PALLD: variants seen among roughly 807,000 people sequenced by gnomAD.
PALLD encodes the protein palladin.
In PALLD, 61 loss-of-function variants were observed where a neutral mutation model predicts 123.5. That is an observed-to-expected ratio of 0.49 (90% CI 0.40 to 0.61). The LOEUF (loss-of-function observed/expected upper bound fraction) is 0.61. Among genes scored for constraint, PALLD ranks in the 20% least tolerant of loss-of-function variants. The probability of loss-of-function intolerance (pLI) is 0.00; values close to 1 mark genes in which losing one functional copy is unlikely to be tolerated. For missense variants in PALLD, 1,273 were observed against 1,377.0 expected, an observed-to-expected ratio of 0.92 and a Z score of 1.20; for synonymous variants, 465 against 496.4, an observed-to-expected ratio of 0.94 and a Z score of 0.84.
Position 168,709,155 on chromosome 4 carries a change from A to G in PALLD, c.1621+8A>G. 1 of 1,613,592 alleles carries G rather than the reference A, an allele frequency of 6.2e-7. No homozygotes were observed. The highest frequency in any genetic ancestry group is 2.2e-5 in the East Asian group (1 of 44,834). ...AGCTGGTTGTCACCTCAGGTATGTG[A>G]GGAGTAAAAAAAATGACTGGGTTCT... On this transcript the variant is annotated splice_region_variant and intron_variant, in intron 9 of 21. Coordinates refer to ENST00000505667, the MANE Select transcript of PALLD (RefSeq NM_001166108.2).
intron 10 of PALLD, among the ~76,000 whole-genome samples, chr4:168,780,671 A>G (rs1656654171): frequency 6.6e-6 from 1 of 152,018 alleles, no homozygotes; most frequent in East Asian, 1.9e-4. Flanking sequence ...CCGCATGTGT[A>G]GTTTTGGTTT....
At chr4:168,805,204 G>A (rs572351865) in intron 10 of PALLD, among the ~76,000 whole-genome samples, 154 of 152,136 alleles carry the variant, frequency 1.0e-3, no homozygotes, top group Non-Finnish European at 2.0e-3. Context: ...AAAAATTTGA[G>A]ATGGGAGGCT....
At chr4:168,764,326 T>C (rs1004849780) in intron 10 of PALLD, among the ~76,000 whole-genome samples, 2 of 152,180 alleles carry the variant, frequency 1.3e-5, no homozygotes, top group Non-Finnish European at 2.9e-5. Context: ...ATATTACATA[T>C]GATATTTTGA....
At chr4:168,612,006 A>G (rs1368228027) in intron 2 of PALLD, among the ~76,000 whole-genome samples, 2 of 152,128 alleles carry the variant, frequency 1.3e-5, no homozygotes, top group Non-Finnish European at 2.9e-5. Flanking sequence ...CAAAAAGTAC[A>G]AATATTAGCC....
chr4:168,520,594 A>G (rs1763467952), intron 2 of PALLD, among the ~76,000 whole-genome samples: 1 of 152,184 alleles, frequency 6.6e-6, no homozygotes, highest in African/African-American at 2.4e-5. Flanking sequence ...GCCATCATTA[A>G]TGAGAATATT....
chr4:168,854,719 T>G (rs887258554), intron 10 of PALLD, among the ~76,000 whole-genome samples: 12 of 152,146 alleles, frequency 7.9e-5, no homozygotes, highest in African/African-American at 2.9e-4. Flanking sequence ...AGTAACGACC[T>G]TACATAAGAG....
At chr4:168,746,164 C>G (rs768099779) in intron 10 of PALLD, among the ~76,000 whole-genome samples, 37 of 151,808 alleles carry the variant, frequency 2.4e-4, no homozygotes, top group Non-Finnish European at 1.6e-4. Flanking sequence ...TTCCCTCCCC[C>G]ACTTAAACAT....
At chr4:168,750,168 A>C (rs528320502) in intron 10 of PALLD, among the ~76,000 whole-genome samples, 30 of 152,032 alleles carry the variant, frequency 2.0e-4, no homozygotes, top group Non-Finnish European at 4.0e-4. Flanking sequence ...GCTGGTCTCA[A>C]ACTCCTGACC....
At chr4:168,556,101 C>CT (rs200922102) in intron 2 of PALLD, among the ~76,000 whole-genome samples, 19,689 of 150,672 alleles carry the variant, frequency 0.13, 1,644 homozygotes, top group South Asian at 0.21. Context: ...ATATTAATAC[C>CT]CTTTTTTTTT....
At chr4:168,864,263 A>G (rs1749935602) in intron 10 of PALLD, 1 of 152,204 alleles carries the variant, frequency 6.6e-6, no homozygotes, top group Admixed American at 6.5e-5. Flanking sequence ...ACAGATTTTG[A>G]ACATATCTTT....
At chr4:168,808,859 C>G (rs1740631063) in intron 10 of PALLD, among the ~76,000 whole-genome samples, 1 of 152,240 alleles carries the variant, frequency 6.6e-6, no homozygotes, top group East Asian at 1.9e-4. Flanking sequence ...CCGGATCCCT[C>G]CCACAACATG....
At chr4:168,554,704 A>T (rs1479610499) in intron 2 of PALLD, among the ~76,000 whole-genome samples, 1 of 152,160 alleles carries the variant, frequency 6.6e-6, no homozygotes, top group East Asian at 1.9e-4. Flanking sequence ...ATATAAAGAA[A>T]CCTTTTTATA....
At chr4:168,631,894 C>G in intron 2 of PALLD, 1 of 985,432 alleles carries the variant, frequency 1.0e-6, no homozygotes, top group East Asian at 1.1e-4. Flanking sequence ...CGTTTTGCGC[C>G]CAACTGGTAA....
intron 10 of PALLD, among the ~76,000 whole-genome samples, chr4:168,792,845 C>T (rs1737730255): frequency 6.6e-6 from 1 of 150,838 alleles, no homozygotes; most frequent in Admixed American, 6.6e-5. Context: ...TGGCTCAGGG[C>T]AACCTCTGCC....
At chr4:168,843,684 A>G (rs1474870714) in intron 10 of PALLD, among the ~76,000 whole-genome samples, 5 of 152,116 alleles carry the variant, frequency 3.3e-5, no homozygotes, top group African/African-American at 2.4e-5. Flanking sequence ...TGGTGATCGC[A>G]TGGGGTGTTT....
intron 2 of PALLD, among the ~76,000 whole-genome samples, chr4:168,624,308 T>G (rs1302720663): frequency 1.3e-5 from 2 of 152,098 alleles, no homozygotes; most frequent in African/African-American, 4.8e-5. Flanking sequence ...CCCATTAAAT[T>G]AATAGCTCTA....
intron 10 of PALLD, among the ~76,000 whole-genome samples, chr4:168,854,606 C>G (rs1469807180): frequency 6.6e-6 from 1 of 152,150 alleles, no homozygotes; most frequent in Non-Finnish European, 1.5e-5. Flanking sequence ...CTCCTGCTGT[C>G]CAGCAGGTTC....
chr4:168,651,979 T>G (rs1778085143), intron 2 of PALLD, among the ~76,000 whole-genome samples: 1 of 152,172 alleles, frequency 6.6e-6, no homozygotes, highest in Non-Finnish European at 1.5e-5. Flanking sequence ...TTGTTTTGGC[T>G]TCTCAACACT....
chr4:168,832,099 G>A (rs1332074731), intron 10 of PALLD: 2 of 952,018 alleles, frequency 2.1e-6, no homozygotes, highest in South Asian at 4.7e-5. Flanking sequence ...CCCGGTCCGC[G>A]GAGCCCGCTG....
Sources: gnomAD v4.1 joint callset for allele counts (sites outside exome capture counted in the v4.1 genomes callset) on GRCh38, gnomAD v4.1.1 for gene constraint, MANE v1.5 for transcripts, NCBI Gene and HGNC (gene_info 2026-07-23, HGNC 2026-07-21) for gene names.